DPP10: variants seen among roughly 807,000 people sequenced by gnomAD.
DPP10 encodes inactive dipeptidyl peptidase 10.
Under a neutral mutation model 120.9 loss-of-function variants are expected in DPP10, and 33 were observed. The ratio of observed to expected loss-of-function variants is 0.27; its 90% confidence interval spans 0.21 to 0.37. The LOEUF (loss-of-function observed/expected upper bound fraction) is 0.37. DPP10 is among the 10% of genes least tolerant of loss of function. The probability of loss-of-function intolerance (pLI) is 1.00; values close to 1 mark genes in which losing one functional copy is unlikely to be tolerated. For synonymous variants in DPP10, 337 were observed against 326.1 expected, an observed-to-expected ratio of 1.03 and a Z score of -0.36; for missense variants, 816 against 942.8, an observed-to-expected ratio of 0.87 and a Z score of 1.76.
At chr2:115,588,063 A>G in intron 5 of DPP10, among the ~76,000 whole-genome samples, 1 of 152,134 alleles carries the variant, frequency 6.6e-6, no homozygotes, top group Non-Finnish European at 1.5e-5. Context: ...AAATCTATTG[A>G]CCTTTTCCAT....
In DPP10 at chr2:115,387,291, CT is replaced by C. The variant is rs1266002187; in HGVS notation, c.271+43383del. On this transcript the variant is annotated intron_variant, in intron 3 of 25. Coordinates refer to ENST00000410059, the MANE Select transcript of DPP10 (RefSeq NM_020868.6). ...GCGTGTTTCTCCCTCTGTTTCAGAG[CT>C]TTTAGCTTCAAACAACATGTTAACA... is the stretch of plus-strand genomic sequence containing the variant. 1.7e-4 allele frequency among the ~76,000 whole-genome samples: 26 copies of C among 152,180 alleles called. 1 individual carries two copies. The highest frequency in any genetic ancestry group is 1.5e-3 in the Admixed American group (23 of 15,274).
At chr2:115,412,269 A>G (rs1422510161) in intron 3 of DPP10, among the ~76,000 whole-genome samples, 1 of 152,210 alleles carries the variant, frequency 6.6e-6, no homozygotes, top group African/African-American at 2.4e-5. Context: ...GGCTGCTACC[A>G]GCATTGATCA....
At chr2:114,929,331 C>T (rs971122524) in intron 1 of DPP10, among the ~76,000 whole-genome samples, 2 of 152,142 alleles carry the variant, frequency 1.3e-5, no homozygotes, top group African/African-American at 4.8e-5. Flanking sequence ...GAGCAGATGA[C>T]CAGCCTGACT....
chr2:115,385,549 G>C (rs2066872846), intron 3 of DPP10, among the ~76,000 whole-genome samples: 1 of 151,912 alleles, frequency 6.6e-6, no homozygotes. Context: ...TAGAGCTGGG[G>C]TTTTACCATG....
intron 7 of DPP10, among the ~76,000 whole-genome samples, chr2:115,719,849 T>G (rs537272106): frequency 6.6e-6 from 1 of 152,284 alleles, no homozygotes; most frequent in East Asian, 1.9e-4. Context: ...TGGTGCCAAG[T>G]GCAGAAACAA....
At chr2:114,758,321 T>C (rs551135863) in intron 1 of DPP10, among the ~76,000 whole-genome samples, 3 of 152,348 alleles carry the variant, frequency 2.0e-5, no homozygotes, top group East Asian at 1.9e-4. Flanking sequence ...GTAGGCACCA[T>C]TGACATAGCA....
chr2:115,604,748 A>G (rs2083587477), intron 5 of DPP10, among the ~76,000 whole-genome samples: 1 of 152,098 alleles, frequency 6.6e-6, no homozygotes, highest in Admixed American at 6.6e-5. Context: ...ATAGCCTTGC[A>G]TACTTTTCAT....
At chr2:114,663,139 G>A (rs1697558132) in intron 1 of DPP10, among the ~76,000 whole-genome samples, 1 of 151,886 alleles carries the variant, frequency 6.6e-6, no homozygotes, top group African/African-American at 2.4e-5. Context: ...TAGGAAGCTG[G>A]TACAGGAGCC....
intron 1 of DPP10, among the ~76,000 whole-genome samples, chr2:114,820,571 A>G (rs1466323126): frequency 1.3e-5 from 2 of 152,210 alleles, no homozygotes; most frequent in African/African-American, 4.8e-5. Context: ...ACAGTGCAGC[A>G]TGGCTGGGGA....
chr2:115,440,832 A>C (rs2071971764), intron 3 of DPP10: 1 of 142,690 alleles, frequency 7.0e-6, no homozygotes, highest in Non-Finnish European at 1.5e-5. Flanking sequence ...TCAAGGCTTT[A>C]TGTTTTCTCT....
intron 2 of DPP10, among the ~76,000 whole-genome samples, chr2:115,333,429 G>A (rs909632017): frequency 3.3e-5 from 5 of 151,980 alleles, no homozygotes; most frequent in African/African-American, 7.2e-5. Flanking sequence ...TTACATTTAA[G>A]GTTAATATTG....
intron 1 of DPP10, among the ~76,000 whole-genome samples, chr2:115,130,460 C>T (rs1313042961): frequency 1.3e-5 from 2 of 150,956 alleles, no homozygotes; most frequent in Non-Finnish European, 3.0e-5. Flanking sequence ...TCGGTATTAT[C>T]CTTCCATCCA....
chr2:115,438,482 A>G (rs1162593680), intron 3 of DPP10, among the ~76,000 whole-genome samples: 2 of 152,200 alleles, frequency 1.3e-5, no homozygotes, highest in Non-Finnish European at 2.9e-5. Context: ...CCCGAAAAGT[A>G]GAAACAACTC....
Position 115,753,026 on chromosome 2 carries a change from T to G in DPP10, c.951-148T>G, listed in dbSNP as rs1678946617. The G allele has an allele frequency of 7.4e-6, 4 of 540,316 alleles. No individual in the cohort carries two copies. The East Asian group carries it at 1.4e-4, about 19-fold the overall frequency. The allele number at this position is 540,316 out of a possible 1,614,324, so 33.5% of individuals were successfully genotyped here. ...ATATTGAAAAGAGCAGATATCTATT[T>G]ATCTATCTATCTATACATAAATTAA... On this transcript the variant is annotated intron_variant, in intron 10 of 25. Coordinates refer to ENST00000410059, the MANE Select transcript of DPP10 (RefSeq NM_020868.6).
chr2:115,216,902 C>T (rs2056862968), intron 1 of DPP10, among the ~76,000 whole-genome samples: 2 of 151,306 alleles, frequency 1.3e-5, no homozygotes, highest in African/African-American at 4.9e-5. Flanking sequence ...TATACGTATA[C>T]ACATATATAC....
At chr2:115,277,447 CTTTTTTTTTTTTT>C (rs70941038) in intron 1 of DPP10, among the ~76,000 whole-genome samples, 5 of 49,744 alleles carry the variant, frequency 1.0e-4, no homozygotes, top group African/African-American at 2.3e-4. Flanking sequence ...CTGCCAGGGC[CTTTTTTTTTTTTT>C]TTTTTTTTTT....
intron 1 of DPP10, among the ~76,000 whole-genome samples, chr2:115,071,019 C>T (rs1213554972): frequency 6.6e-6 from 1 of 152,078 alleles, no homozygotes; most frequent in Admixed American, 6.5e-5. Flanking sequence ...CAAAAGGTTA[C>T]TTTTGTAATG....
At chr2:115,360,952 C>A (rs2064724526) in intron 3 of DPP10, among the ~76,000 whole-genome samples, 1 of 152,140 alleles carries the variant, frequency 6.6e-6, no homozygotes, top group Admixed American at 6.5e-5. Flanking sequence ...GCTGTCTGGA[C>A]TTCCCAGCTT....
chr2:114,693,167 T>G (rs1169630253), intron 1 of DPP10, among the ~76,000 whole-genome samples: 1 of 152,020 alleles, frequency 6.6e-6, no homozygotes, highest in Non-Finnish European at 1.5e-5. Flanking sequence ...GGTTGCTTCA[T>G]AGTGTCACTG....
Sources: allele counts gnomAD v4.1 joint callset (sites outside exome capture counted in the v4.1 genomes callset), GRCh38; gene constraint gnomAD v4.1.1; transcripts MANE v1.5; gene names NCBI Gene and HGNC (gene_info 2026-07-23, HGNC 2026-07-21).